The following STXBP5L variants were observed in gnomAD, a reference collection of about 807,000 sequenced individuals.
The protein encoded by STXBP5L is syntaxin-binding protein 5-like.
STXBP5L carries 65 observed loss-of-function variants against 144.5 expected under a neutral mutation model. The ratio of observed to expected loss-of-function variants is 0.45; its 90% CI spans 0.37 to 0.55. The LOEUF is 0.55. STXBP5L is among the 20% of genes least tolerant of loss of function. The probability of loss-of-function intolerance (pLI) is 0.00; values close to 1 mark genes in which losing one functional copy is unlikely to be tolerated. For missense variants in STXBP5L, 1,298 were observed against 1,405.5 expected (o/e 0.92, Z 1.22); for synonymous variants, 505 against 469.6 (o/e 1.08, Z -0.97).
chr3:121,037,573 G>T (rs1018988782), intron 3 of STXBP5L, among the ~76,000 whole-genome samples: 4 of 151,812 alleles, frequency 2.6e-5, no homozygotes, highest in Admixed American at 6.6e-5. Flanking sequence ...TTTTTTATTG[G>T]TATTTTTTGA....
intron 8 of STXBP5L, among the ~76,000 whole-genome samples, chr3:121,156,748 TATA>T (rs1386526773): frequency 6.6e-6 from 1 of 151,846 alleles, no homozygotes; most frequent in East Asian, 1.9e-4. Flanking sequence ...TATAATAATT[TATA>T]ATAATACAAA....
chr3:120,996,337 A>C (rs1271615745), intron 3 of STXBP5L, among the ~76,000 whole-genome samples: 2 of 151,914 alleles, frequency 1.3e-5, no homozygotes, highest in African/African-American at 4.8e-5. Context: ...TTAATTTAAA[A>C]ATTTAAATTA....
chr3:120,975,018 C>T lies in STXBP5L; in HGVS notation c.287+19981C>T, dbSNP rs536178794. Among the ~76,000 whole-genome samples, 483 of 152,186 alleles carry T rather than the reference C, an allele frequency of 3.2e-3. 5 individuals are homozygous for T. Among genetic ancestry groups the T allele is most frequent in the African/African-American group, 0.011 (452 of 41,536 alleles). ...TTCTTTTGGCTTAGGATTGACTTGG[C>T]GATGCGGGCTCTTTTTTGGTTCCGT... On this transcript the variant is annotated intron_variant, in intron 3 of 26. Transcript: ENST00000471454.
chr3:121,294,104 AC>A (rs769452579), intron 19 of STXBP5L, among the ~76,000 whole-genome samples: 8 of 152,248 alleles, frequency 5.3e-5, no homozygotes, highest in Non-Finnish European at 1.0e-4. Context: ...ATAAATATCC[AC>A]ACTGCTGTGT....
chr3:121,407,809 A>C, intron 23 of STXBP5L: 1 of 652,970 alleles, frequency 1.5e-6, no homozygotes, highest in Non-Finnish European at 2.5e-6. Context: ...TCTGCTAAAA[A>C]TGCTTGGCAT....
At chr3:121,180,828 G>A (rs570878478) in intron 9 of STXBP5L, among the ~76,000 whole-genome samples, 21 of 152,228 alleles carry the variant, frequency 1.4e-4, no homozygotes, top group Admixed American at 4.6e-4. Flanking sequence ...AGCCAAAATC[G>A]TGCCATTGCA....
chr3:121,098,931 G>A (rs1488046295), intron 5 of STXBP5L, among the ~76,000 whole-genome samples: 1 of 152,054 alleles, frequency 6.6e-6, no homozygotes, highest in African/African-American at 2.4e-5. Flanking sequence ...ATGGTCCCCA[G>A]CATCCTCCCA....
intron 19 of STXBP5L, among the ~76,000 whole-genome samples, chr3:121,290,165 C>T (rs1208376073): frequency 6.6e-6 from 1 of 151,878 alleles, no homozygotes; most frequent in Non-Finnish European, 1.5e-5. Context: ...ATGATATTAA[C>T]CAAGAAAAGA....
chr3:121,207,832 A>T (rs1194867387), intron 10 of STXBP5L, among the ~76,000 whole-genome samples: 2 of 152,152 alleles, frequency 1.3e-5, no homozygotes, highest in South Asian at 4.1e-4. Flanking sequence ...GTCAGGAAAA[A>T]GCAGGTACTG....
chr3:121,014,351 CCTT>C (rs999904529), intron 3 of STXBP5L, among the ~76,000 whole-genome samples: 1 of 152,004 alleles, frequency 6.6e-6, no homozygotes, highest in Non-Finnish European at 1.5e-5. Context: ...ACACTACTAA[CCTT>C]CTGTCACCAC....
chr3:121,083,960 T>C (rs2042370812), intron 5 of STXBP5L, among the ~76,000 whole-genome samples: 1 of 152,080 alleles, frequency 6.6e-6, no homozygotes, highest in Admixed American at 6.6e-5. Flanking sequence ...GTTTGCACTG[T>C]TTTTTCTTTT....
intron 3 of STXBP5L, among the ~76,000 whole-genome samples, chr3:121,001,359 C>T (rs1408198681): frequency 6.6e-6 from 1 of 152,190 alleles, no homozygotes; most frequent in East Asian, 1.9e-4. Context: ...GGAATTCTTG[C>T]AGAAAGGGGA....
At chr3:121,032,808 A>G (rs574041916) in intron 3 of STXBP5L, among the ~76,000 whole-genome samples, 21 of 64,382 alleles carry the variant, frequency 3.3e-4, no homozygotes, top group Middle Eastern at 9.2e-3. Context: ...GCAGCCAAAA[A>G]ACACATGAAA....
chr3:121,208,229 A>G (rs1015789104), intron 10 of STXBP5L, among the ~76,000 whole-genome samples: 1 of 151,704 alleles, frequency 6.6e-6, no homozygotes, highest in Non-Finnish European at 1.5e-5. Flanking sequence ...AGACTATCCC[A>G]AGGGCAGAAA....
At chr3:120,913,933 T>C (rs1708979016) in intron 2 of STXBP5L, among the ~76,000 whole-genome samples, 1 of 152,022 alleles carries the variant, frequency 6.6e-6, no homozygotes, top group Admixed American at 6.5e-5. Flanking sequence ...AAACTAGATA[T>C]TATTTTGAAC....
At chr3:121,315,726 G>A (rs572172549) in intron 19 of STXBP5L, among the ~76,000 whole-genome samples, 2 of 152,244 alleles carry the variant, frequency 1.3e-5, no homozygotes, top group African/African-American at 4.8e-5. Context: ...AAGGGGCCAG[G>A]CGTGATGGCT....
At chr3:121,042,301 T>C (rs1160534884) in intron 4 of STXBP5L, among the ~76,000 whole-genome samples, 1 of 152,180 alleles carries the variant, frequency 6.6e-6, no homozygotes, top group Non-Finnish European at 1.5e-5. Context: ...GTATCTACAT[T>C]TTTATAAAAT....
intron 3 of STXBP5L, among the ~76,000 whole-genome samples, chr3:120,958,882 A>C (rs1200550493): frequency 6.6e-6 from 1 of 152,202 alleles, no homozygotes; most frequent in Non-Finnish European, 1.5e-5. Context: ...CCTATTCAAC[A>C]TAGTGTTGGA....
chr3:121,296,765 G>C (rs2051667438), intron 19 of STXBP5L, among the ~76,000 whole-genome samples: 1 of 152,116 alleles, frequency 6.6e-6, no homozygotes, highest in Non-Finnish European at 1.5e-5. Context: ...CTGACCTATA[G>C]ATTGGAATTT....
Sources: gnomAD v4.1 joint callset for allele counts (sites outside exome capture counted in the v4.1 genomes callset) on GRCh38, gnomAD v4.1.1 for gene constraint, MANE v1.5 for transcripts, NCBI Gene and HGNC (gene_info 2026-07-23, HGNC 2026-07-21) for gene names.